Variants in GSTT4 observed in about 807,000 individuals in gnomAD.
GSTT4 encodes glutathione S-transferase theta 4.
At chr22:23,994,521 T>G (rs553185361), downstream of GSTT4, among the ~76,000 whole-genome samples, 22 of 151,260 alleles carry the variant, frequency 1.5e-4, no homozygotes, top group Non-Finnish European at 2.6e-4. Context: ...TAATGAAATA[T>G]GTGGCCTTTT....
chr22:23,996,102 C>A (rs1448906474), downstream of GSTT4, among the ~76,000 whole-genome samples: 1 of 152,046 alleles, frequency 6.6e-6, no homozygotes, highest in African/African-American at 2.4e-5. Context: ...CGCCACCACG[C>A]CCGGCTAATT....
At chr22:24,002,081 G>T (rs1461102713) in intron 2 of GSTT4, among the ~76,000 whole-genome samples, 1 of 152,282 alleles carries the variant, frequency 6.6e-6, no homozygotes, top group Admixed American at 6.5e-5. Flanking sequence ...GTTGCAACTG[G>T]AAGAAGGGTG....
intron 4 of GSTT4, among the ~76,000 whole-genome samples, chr22:23,998,997 C>G: frequency 6.6e-6 from 1 of 152,248 alleles, no homozygotes; most frequent in Non-Finnish European, 1.5e-5. Context: ...GCTCCTGGCC[C>G]AGGCACTTCC....
At chr22:23,999,703 G>C (rs2034183714) in intron 4 of GSTT4, among the ~76,000 whole-genome samples, 2 of 140,052 alleles carry the variant, frequency 1.4e-5, no homozygotes, top group African/African-American at 5.5e-5. Context: ...AAACAGGCAG[G>C]GCCAGAAGGA....
At chr22:23,994,480 T>C (rs2034097211), downstream of GSTT4, among the ~76,000 whole-genome samples, 2 of 151,270 alleles carry the variant, frequency 1.3e-5, no homozygotes, top group Non-Finnish European at 2.9e-5. Flanking sequence ...AGGAAGTAGC[T>C]GCCTATTCTG....
the GSTT4 span, among the ~76,000 whole-genome samples, chr22:23,992,005 C>A: frequency 1.4e-5 from 2 of 145,196 alleles, no homozygotes; most frequent in South Asian, 2.3e-4. Flanking sequence ...GTGAGCCGAG[C>A]TCACGCCACT....
At chr22:24,002,452 C>A (rs1219559114) in intron 2 of GSTT4, among the ~76,000 whole-genome samples, 1 of 152,286 alleles carries the variant, frequency 6.6e-6, no homozygotes, top group Non-Finnish European at 1.5e-5. Flanking sequence ...TCACCAGCAG[C>A]AACCATGCCA....
At chr22:24,000,311 C>T (rs2034201800) in intron 3 of GSTT4, 60 bp from the exon 4 acceptor site, 1 of 151,658 alleles carries the variant, frequency 6.6e-6, no homozygotes, top group African/African-American at 2.5e-5. Flanking sequence ...ACCTGCCCTG[C>T]CAGGTCTCTG....
At chr22:23,996,147 T>G (rs930595122), downstream of GSTT4, among the ~76,000 whole-genome samples, 2 of 152,106 alleles carry the variant, frequency 1.3e-5, no homozygotes, top group Non-Finnish European at 2.9e-5. Context: ...TTTCACCATA[T>G]TGGACAGGCT....
At chr22:23,991,939 G>T in the GSTT4 span, among the ~76,000 whole-genome samples, 19,781 of 141,922 alleles carry the variant, frequency 0.14, 2 homozygotes, top group African/African-American at 0.16. Flanking sequence ...TGTAGTCCCA[G>T]CTACTCGGGA....
At chr22:23,998,977 T>G (rs937032387) in intron 4 of GSTT4, among the ~76,000 whole-genome samples, 1 of 151,690 alleles carries the variant, frequency 6.6e-6, no homozygotes, top group Non-Finnish European at 1.5e-5. Flanking sequence ...TTCTGAACCA[T>G]GCTGAGAGGG....
chr22:24,000,963 C>T (rs1164184080), intron 3 of GSTT4, among the ~76,000 whole-genome samples: 2 of 102,818 alleles, frequency 1.9e-5, no homozygotes, highest in African/African-American at 8.7e-5. Context: ...CCCTTCCCCT[C>T]GCCCTAATAA....
At chr22:23,996,230 C>G (rs2034113751), downstream of GSTT4, among the ~76,000 whole-genome samples, 1 of 152,096 alleles carries the variant, frequency 6.6e-6, no homozygotes, top group African/African-American at 2.4e-5. Flanking sequence ...GTGTGAGCCA[C>G]CGTGCCCAGC....
chr22:23,992,778 T>C, the GSTT4 span, among the ~76,000 whole-genome samples: 1 of 28,780 alleles, frequency 3.5e-5, no homozygotes, highest in Non-Finnish European at 6.9e-5. Flanking sequence ...TGGTCTCTAC[T>C]ATTCTTTTTT....
chr22:23,994,023 G>T (rs553122138), downstream of GSTT4, among the ~76,000 whole-genome samples: 148 of 149,016 alleles, frequency 9.9e-4, 2 homozygotes, highest in South Asian at 0.03. Flanking sequence ...AGGCTGTGGG[G>T]CTGAGTAAAA....
At chr22:23,996,181 A>T (rs561177106), downstream of GSTT4, among the ~76,000 whole-genome samples, 4 of 152,174 alleles carry the variant, frequency 2.6e-5, no homozygotes, top group South Asian at 8.3e-4. Context: ...TGACCTCATG[A>T]TCTGCCCGCC....
chr22:24,001,633 T>C (rs2034232863), intron 2 of GSTT4, among the ~76,000 whole-genome samples: 2 of 152,256 alleles, frequency 1.3e-5, no homozygotes, highest in South Asian at 4.1e-4. Context: ...TTGGGGCTAC[T>C]GTGAGCCAAG....
chr22:23,996,802 A>G (rs948263233), downstream of GSTT4, among the ~76,000 whole-genome samples: 8 of 152,266 alleles, frequency 5.3e-5, no homozygotes, highest in East Asian at 7.7e-4. Context: ...ATTTTCTTGT[A>G]ATGTCTTTTT....
chr22:24,003,683 C>A (rs73879029), intron 2 of GSTT4, 77 bp downstream of exon 2: 8,214 of 154,620 alleles, frequency 0.053, 420 homozygotes, highest in African/African-American at 0.19. Context: ...TTTCCATGGT[C>A]AAACAGACAA....
Sources: gnomAD v4.1 joint callset for allele counts (sites outside exome capture counted in the v4.1 genomes callset) on GRCh38, gnomAD v4.1.1 for gene constraint, MANE v1.5 for transcripts, NCBI Gene and HGNC (gene_info 2026-07-23, HGNC 2026-07-21) for gene names.